Variants in LAMA1 observed in about 807,000 individuals in gnomAD.
LAMA1 encodes laminin subunit alpha 1.
In LAMA1, 219 loss-of-function variants were observed where a neutral mutation model predicts 348.7. The ratio of observed to expected loss-of-function variants is 0.63; its 90% confidence interval spans 0.56 to 0.70. The LOEUF is 0.70. Among genes scored for constraint, LAMA1 ranks in the 30% least tolerant of loss-of-function variants. The probability of loss-of-function intolerance (pLI) is 0.00; values close to 1 mark genes in which losing one functional copy is unlikely to be tolerated. For synonymous variants in LAMA1, 1,487 were observed against 1,491.0 expected, an observed-to-expected ratio of 1.00 and a Z score of 0.06; for missense variants, 3,744 against 3,888.0, an observed-to-expected ratio of 0.96 and a Z score of 0.99.
At position 7,080,066 on chromosome 18, in the gene LAMA1, G is replaced by A. The variant is rs748833531; in HGVS notation, c.254C>T (p.Ala85Val). ...CCACCAGTTATTGGTGCCATCTATG[G>A]CATGTGATATTGGATGGCGTTCTGT... is the stretch of plus-strand genomic sequence containing the variant. ...NPRERHPISHAIDGTNNWWQS... is the reference protein window; with the variant it reads ...NPRERHPISHVIDGTNNWWQS... The change falls in exon 3 of 63, where the codon GCC becomes GTC. Residue 85 changes from alanine to valine, a missense_variant. By Grantham distance (64) the Ala-to-Val change is moderately conservative (BLOSUM62 0). This residue lies in a region of LAMA1 where 1,529 missense variants were observed against 1,689.4 expected (regional missense o/e 0.91). Transcript: ENST00000389658. 8.1e-6 allele frequency: 13 copies of A among 1,613,336 alleles called. No homozygotes were observed. The highest frequency in any genetic ancestry group is 9.3e-6 in the Non-Finnish European group (11 of 1,179,274).
At chr18:6,996,489 T>C (rs974420205) in intron 33 of LAMA1, among the ~76,000 whole-genome samples, 17 of 152,166 alleles carry the variant, frequency 1.1e-4, no homozygotes, top group African/African-American at 3.9e-4. Context: ...GAATTAAAAG[T>C]AGGTCGGGCG....
Position 7,038,885 on chromosome 18 carries a change from GTT to G in LAMA1, c.1486_1487del (p.Asn496ProfsTer14). 1.2e-6 allele frequency: 2 copies of G among 1,614,038 alleles called. No homozygotes were observed. Among genetic ancestry groups the G allele is most frequent in the Admixed American group, 1.7e-5 (1 of 60,016 alleles). On this transcript the variant is annotated frameshift_variant, in exon 11 of 63. Coordinates refer to ENST00000389658, the MANE Select transcript of LAMA1 (RefSeq NM_005559.4). LOFTEE classifies it high-confidence loss of function. ...KPGFYNLKEK[N>X]PRGCSECFCF... is the part of the protein sequence containing the mutation. ...AGAAGCACTCGGAGCAGCCCCGGGG[GTT>G]TTTTTCCTTCAAGTTATAGAATCCT...
intron 38 of LAMA1, 47 bp from the exon 39 acceptor site, chr18:6,985,447 A>G: frequency 6.2e-7 from 1 of 1,608,480 alleles, no homozygotes; most frequent in Non-Finnish European, 8.5e-7. Context: ...TCTACTTAAT[A>G]ACAGATATGT....
chr18:6,970,148 G>A (rs914815180), intron 48 of LAMA1, among the ~76,000 whole-genome samples: 4 of 152,218 alleles, frequency 2.6e-5, no homozygotes, highest in South Asian at 2.1e-4. Flanking sequence ...AAAAAGTGGC[G>A]GATCAGAGAG....
At chr18:7,017,072 AT>A (rs1442537472) in intron 20 of LAMA1, among the ~76,000 whole-genome samples, 12 of 152,132 alleles carry the variant, frequency 7.9e-5, no homozygotes, top group African/African-American at 2.9e-4. Flanking sequence ...TTCCACCATG[AT>A]TGTAAGTTTC....
chr18:7,007,785 A>C (rs1486133787), intron 28 of LAMA1, among the ~76,000 whole-genome samples: 4 of 152,204 alleles, frequency 2.6e-5, no homozygotes, highest in African/African-American at 7.2e-5. Context: ...ATGTATGTAC[A>C]ATGGAATATT....
chr18:7,076,554 A>T (rs1238783122), intron 3 of LAMA1, among the ~76,000 whole-genome samples: 1 of 152,178 alleles, frequency 6.6e-6, no homozygotes, highest in Non-Finnish European at 1.5e-5. Context: ...GGTCTGGTCT[A>T]TTCATATATT....
At chr18:7,016,747 G>C (rs2057890278) in intron 20 of LAMA1, 76 bp from the exon 21 acceptor site, 3 of 1,280,130 alleles carry the variant, frequency 2.3e-6, no homozygotes, top group Non-Finnish European at 2.2e-6. Context: ...GTATGTTCCA[G>C]AACACACACA....
intron 45 of LAMA1, among the ~76,000 whole-genome samples, chr18:6,975,254 C>A (rs950098307): frequency 6.6e-6 from 1 of 152,188 alleles, no homozygotes; most frequent in Admixed American, 6.5e-5. Context: ...CGCCTCCCTG[C>A]GTGCCTGGCA....
At chr18:7,096,008 C>T (rs1297721711) in intron 1 of LAMA1, among the ~76,000 whole-genome samples, 1 of 152,208 alleles carries the variant, frequency 6.6e-6, no homozygotes, top group African/African-American at 2.4e-5. Flanking sequence ...GCGGAGGTTG[C>T]AGTGAGCCGA....
At chr18:7,024,677 ACTC>A (rs1165275895) in intron 17 of LAMA1, among the ~76,000 whole-genome samples, 2 of 150,842 alleles carry the variant, frequency 1.3e-5, no homozygotes, top group African/African-American at 4.9e-5. Context: ...ACTGACACTC[ACTC>A]CTCACTCCCT....
chr18:7,042,197 C>A lies in LAMA1; in HGVS notation c.1209G>T (p.Gly403=). 6.2e-7 allele frequency: 1 copy of A among 1,612,790 alleles called. No homozygotes were observed. The highest frequency in any genetic ancestry group is 8.5e-7 in the Non-Finnish European group (1 of 1,179,322). Residue 403 remains glycine (G), a synonymous_variant, in exon 9 of 63, where the codon GGG becomes GGT. Coordinates refer to ENST00000389658, the MANE Select transcript of LAMA1 (RefSeq NM_005559.4). ...CCTTAATACAGACAGAACTGAGGGA[C>A]CCCACAGGGTCACAATTACAGGGGC... ...PCRPCNCDPV[G]SLSSVCIKDD...
intron 3 of LAMA1, among the ~76,000 whole-genome samples, chr18:7,065,232 C>CAAAAAA (rs35224545): frequency 5.6e-5 from 4 of 71,400 alleles, no homozygotes; most frequent in Non-Finnish European, 7.8e-5. Flanking sequence ...GACTCTATCT[C>CAAAAAA]AAAAAAAAAA....
At chr18:6,953,065 C>A in intron 57 of LAMA1, among the ~76,000 whole-genome samples, 2 of 113,046 alleles carry the variant, frequency 1.8e-5, no homozygotes, top group East Asian at 3.6e-4. Flanking sequence ...GGCGGATCCA[C>A]GCCATGGGAG....
chr18:6,956,674 C>T lies in LAMA1; in HGVS notation c.8056G>A (p.Glu2686Lys). ...SERPKLAPDA[E>K]DSKLLPEPRA... ...GGCTCTGGCAAGAGCTTGCTGTCCT[C>T]TGCATCGGGAGCCAGCTTAGGCCTT... The change falls in exon 56 of 63, where the codon GAG (glutamate) becomes AAG (lysine). Residue 2686 changes from glutamate (E) to lysine (K), a missense_variant. This residue lies in a region of LAMA1 where 1,983 missense variants were observed against 1,934.3 expected (regional missense o/e 1.03). Coordinates refer to ENST00000389658, the MANE Select transcript of LAMA1 (RefSeq NM_005559.4). 1 of 1,614,208 alleles carries T rather than the reference C, an allele frequency of 6.2e-7. No individual in the cohort carries two copies. Among genetic ancestry groups the T allele is most frequent in the East Asian group, 2.2e-5 (1 of 44,878 alleles).
At chr18:7,093,285 G>A (rs1157826940) in intron 1 of LAMA1, among the ~76,000 whole-genome samples, 4 of 151,950 alleles carry the variant, frequency 2.6e-5, no homozygotes, top group Non-Finnish European at 5.9e-5. Flanking sequence ...GCGGGGTGGC[G>A]GGCGCCTGTG....
At chr18:6,947,363 C>G (rs12966847) in intron 60 of LAMA1, 67 bp from the exon 61 acceptor site, 734,517 of 1,604,112 alleles carry the variant, frequency 0.46, 174,709 homozygotes, top group Non-Finnish European at 0.5. Context: ...CATTTGGCCT[C>G]CTGGCTAGGG....
At chr18:7,062,856 T>C (rs1362947363) in intron 3 of LAMA1, among the ~76,000 whole-genome samples, 1 of 152,192 alleles carries the variant, frequency 6.6e-6, no homozygotes, top group Non-Finnish European at 1.5e-5. Context: ...AGTCCTCACA[T>C]TGACCTGTTT....
chr18:7,092,372 T>C (rs1205005330), intron 1 of LAMA1, among the ~76,000 whole-genome samples: 2 of 152,232 alleles, frequency 1.3e-5, no homozygotes, highest in East Asian at 1.9e-4. Flanking sequence ...CGGTGGCTCA[T>C]GCCAGCACTT....
Sources: allele counts gnomAD v4.1 joint callset (sites outside exome capture counted in the v4.1 genomes callset), GRCh38; gene constraint gnomAD v4.1.1; regional missense constraint gnomAD v4.1.1; transcripts MANE v1.5; gene names NCBI Gene and HGNC (gene_info 2026-07-23, HGNC 2026-07-21).